GPC5: variants seen among roughly 807,000 people sequenced by gnomAD.
GPC5 encodes the protein glypican-5.
A neutral mutation model predicts 53.9 loss-of-function variants in GPC5; 47 were observed. That is an observed-to-expected ratio of 0.87 (90% CI 0.69 to 1.11). GPC5 has a LOEUF of 1.11. Among genes scored for constraint, GPC5 ranks in the 50% most tolerant of loss-of-function variants. The pLI, the probability that GPC5 is intolerant of heterozygous loss-of-function variation, is 0.00. For synonymous variants in GPC5, 286 were observed against 263.3 expected (o/e 1.09, Z -0.84); for missense variants, 748 against 713.1 (o/e 1.05, Z -0.56).
chr13:91,556,740 G>A (rs1171627081), intron 2 of GPC5, among the ~76,000 whole-genome samples: 1 of 151,950 alleles, frequency 6.6e-6, no homozygotes, highest in Non-Finnish European at 1.5e-5. Context: ...AACGTTGTAT[G>A]TTCTCACTCA....
At chr13:92,146,294 A>C (rs1192361851) in intron 7 of GPC5, among the ~76,000 whole-genome samples, 2 of 152,078 alleles carry the variant, frequency 1.3e-5, no homozygotes, top group Non-Finnish European at 1.5e-5. Flanking sequence ...AATATAATTA[A>C]AGATATTATT....
chr13:92,503,464 C>T (rs547733770), intron 7 of GPC5, among the ~76,000 whole-genome samples: 28 of 151,480 alleles, frequency 1.8e-4, no homozygotes, highest in African/African-American at 6.3e-4. Flanking sequence ...CATGAATAAG[C>T]TTGGATTATC....
chr13:92,765,461 ACT>A (rs1187836745), intron 7 of GPC5, among the ~76,000 whole-genome samples: 1 of 152,170 alleles, frequency 6.6e-6, no homozygotes, highest in Non-Finnish European at 1.5e-5. Flanking sequence ...ACTAAAAAGA[ACT>A]CTAAATCTGA....
intron 7 of GPC5, among the ~76,000 whole-genome samples, chr13:92,200,053 A>C (rs2042283336): frequency 1.3e-5 from 2 of 152,176 alleles, no homozygotes; most frequent in Admixed American, 1.3e-4. Flanking sequence ...TATGAAGCAC[A>C]GCCATTCTAA....
intron 7 of GPC5, among the ~76,000 whole-genome samples, chr13:92,262,320 T>C (rs1188508041): frequency 6.6e-6 from 1 of 152,208 alleles, no homozygotes; most frequent in Non-Finnish European, 1.5e-5. Flanking sequence ...TTACTTTTAT[T>C]GCTTTAATAG....
intron 6 of GPC5, among the ~76,000 whole-genome samples, chr13:91,942,878 C>T (rs1470850812): frequency 1.3e-5 from 2 of 152,036 alleles, no homozygotes; most frequent in Admixed American, 6.5e-5. Flanking sequence ...ATGAAAAATA[C>T]ATTAACCATC....
At chr13:91,733,687 G>C (rs2036751822) in intron 4 of GPC5, among the ~76,000 whole-genome samples, 1 of 152,180 alleles carries the variant, frequency 6.6e-6, no homozygotes. Context: ...TTTTTATCCT[G>C]AGACTTTGCT....
intron 5 of GPC5, among the ~76,000 whole-genome samples, chr13:91,890,697 A>G (rs1010440580): frequency 6.6e-6 from 1 of 152,240 alleles, no homozygotes; most frequent in Non-Finnish European, 1.5e-5. Context: ...AACAGATACA[A>G]AGTTTTAAAA....
At position 91,398,804 on chromosome 13, in the gene GPC5, G is replaced by T. The variant is rs1876672671; in HGVS notation, c.-243G>T. 1 of 441,412 alleles carries T rather than the reference G, an allele frequency of 2.3e-6. No individual in the cohort carries two copies. The highest frequency in any genetic ancestry group is 4.0e-6 in the Non-Finnish European group (1 of 251,666). 27.3% of individuals were successfully genotyped at this position (441,412 alleles called of 1,614,324 possible). A position where few individuals can be genotyped will look rare whatever the true frequency, so the allele number is the denominator to read the frequency against. On this transcript the variant is annotated 5_prime_UTR_variant, in exon 1 of 8. Transcript: ENST00000377067. ...CCCCGCCCAGCCGCCCACTCTTCTCGGCTAGGGAAGAAGACCAGAGGGTGC... is the reference window on the plus strand; with the variant it reads ...CCCCGCCCAGCCGCCCACTCTTCTCTGCTAGGGAAGAAGACCAGAGGGTGC...
chr13:91,791,984 A>G (rs770293255), intron 5 of GPC5, among the ~76,000 whole-genome samples: 1 of 152,246 alleles, frequency 6.6e-6, no homozygotes, highest in African/African-American at 2.4e-5. Flanking sequence ...ATTAAAGGTC[A>G]TATTGATAAC....
intron 6 of GPC5, among the ~76,000 whole-genome samples, chr13:92,027,149 C>T (rs1179558633): frequency 6.6e-6 from 1 of 151,976 alleles, no homozygotes; most frequent in Non-Finnish European, 1.5e-5. Context: ...TGTTTTATCT[C>T]CAACATTAAT....
At chr13:91,471,075 T>G (rs891363078) in intron 2 of GPC5, among the ~76,000 whole-genome samples, 1 of 152,180 alleles carries the variant, frequency 6.6e-6, no homozygotes, top group Non-Finnish European at 1.5e-5. Context: ...TGATATTTAA[T>G]AGACTATCTT....
At chr13:92,019,004 T>A (rs1288813270) in intron 6 of GPC5, among the ~76,000 whole-genome samples, 1 of 151,976 alleles carries the variant, frequency 6.6e-6, no homozygotes. Flanking sequence ...TAATCAATAA[T>A]AAAATATTGG....
At chr13:92,806,528 C>A (rs1877106927) in intron 7 of GPC5, among the ~76,000 whole-genome samples, 1 of 152,044 alleles carries the variant, frequency 6.6e-6, no homozygotes, top group African/African-American at 2.4e-5. Flanking sequence ...AACTTGCCTT[C>A]CTCACTAAGC....
intron 2 of GPC5, among the ~76,000 whole-genome samples, chr13:91,562,931 G>T (rs1224253103): frequency 6.6e-6 from 1 of 151,912 alleles, no homozygotes; most frequent in Admixed American, 6.6e-5. Flanking sequence ...ATTTTTGTTA[G>T]AAATATGTAT....
intron 7 of GPC5, among the ~76,000 whole-genome samples, chr13:92,462,933 T>C (rs1878552564): frequency 6.6e-6 from 1 of 151,984 alleles, no homozygotes; most frequent in Non-Finnish European, 1.5e-5. Context: ...TCAGGTTTTG[T>C]TCATTTTTAA....
intron 6 of GPC5, among the ~76,000 whole-genome samples, chr13:92,030,752 G>A (rs1488260667): frequency 1.3e-5 from 2 of 152,206 alleles, no homozygotes; most frequent in Non-Finnish European, 2.9e-5. Flanking sequence ...CTGGCGTAGA[G>A]CCTCAGGAAG....
intron 2 of GPC5, among the ~76,000 whole-genome samples, chr13:91,556,085 C>A (rs1329174941): frequency 6.6e-6 from 1 of 151,906 alleles, no homozygotes; most frequent in African/African-American, 2.4e-5. Context: ...TCCCTTCCAC[C>A]ACTTCTGACC....
chr13:92,231,585 C>T (rs575578266), intron 7 of GPC5, among the ~76,000 whole-genome samples: 5 of 145,208 alleles, frequency 3.4e-5, no homozygotes, highest in Non-Finnish European at 7.4e-5. Context: ...ATTTTAACTA[C>T]CTGTTGAAAT....
Sources: gnomAD v4.1 joint callset for allele counts (sites outside exome capture counted in the v4.1 genomes callset) on GRCh38, gnomAD v4.1.1 for gene constraint, MANE v1.5 for transcripts, NCBI Gene and HGNC (gene_info 2026-07-23, HGNC 2026-07-21) for gene names.